MYT1L: variants seen among roughly 807,000 people sequenced by gnomAD.
MYT1L encodes myelin transcription factor 1 like.
A neutral mutation model predicts 126.7 loss-of-function variants in MYT1L; 12 were observed. That is an observed-to-expected ratio of 0.09 (90% CI 0.06 to 0.15). MYT1L has a LOEUF of 0.15. MYT1L is among the 10% of genes least tolerant of loss of function. The pLI, the probability that MYT1L is intolerant of heterozygous loss-of-function variation, is 1.00. For missense variants in MYT1L, 979 were observed against 1,585.2 expected, an observed-to-expected ratio of 0.62 and a Z score of 6.49; for synonymous variants, 541 against 604.2, an observed-to-expected ratio of 0.90 and a Z score of 1.53.
intron 4 of MYT1L, among the ~76,000 whole-genome samples, chr2:2,033,739 C>T (rs761967433): frequency 1.9e-4 from 29 of 152,254 alleles, no homozygotes; most frequent in South Asian, 4.1e-4. Context: ...TTGGCAATCC[C>T]CAGCTGTTTT....
intron 2 of MYT1L, among the ~76,000 whole-genome samples, chr2:2,196,199 G>A (rs1320726239): frequency 1.3e-5 from 2 of 152,004 alleles, no homozygotes; most frequent in African/African-American, 4.8e-5. Context: ...GTATTCAGAT[G>A]ACAATGGGAT....
chr2:2,031,007 C>T (rs757485799), intron 4 of MYT1L, among the ~76,000 whole-genome samples: 3 of 152,182 alleles, frequency 2.0e-5, no homozygotes, highest in Non-Finnish European at 2.9e-5. Flanking sequence ...TTGTATTAAG[C>T]GTGTGCATGA....
intron 2 of MYT1L, among the ~76,000 whole-genome samples, chr2:2,206,140 G>C (rs55971301): frequency 6.6e-6 from 1 of 151,696 alleles, no homozygotes; most frequent in African/African-American, 2.4e-5. Flanking sequence ...ACACCACCAC[G>C]CCCAGCTAAT....
chr2:1,841,079 T>C lies in MYT1L; in HGVS notation c.2775-236A>G, dbSNP rs2041623082. 7.1e-6 allele frequency: 3 copies of C among 425,248 alleles called. No individual in the cohort carries two copies. The Admixed American group carries it at 1.2e-4, about 17-fold the overall frequency. The allele number at this position is 425,248 out of a possible 1,614,324, so 26.3% of individuals were successfully genotyped here. ...CCACCACGCCTGGCTAATTTTTTTG[T>C]ATTTTTTAGTAGAGACGGGGTTTCA... On this transcript the variant is annotated intron_variant, in intron 19 of 24. Coordinates refer to ENST00000647738, the MANE Select transcript of MYT1L (RefSeq NM_001303052.2).
chr2:2,185,407 A>G (rs1157775424), intron 2 of MYT1L, among the ~76,000 whole-genome samples: 2 of 152,232 alleles, frequency 1.3e-5, no homozygotes, highest in African/African-American at 4.8e-5. Flanking sequence ...AAACTAATAT[A>G]TTCACCTGAT....
rs979485716 is a variant in MYT1L at position 1,801,607 on chromosome 2, C to A, written c.3276+89G>T. 10 of 788,112 alleles carry A rather than the reference C, an allele frequency of 1.3e-5. No individual in the cohort carries two copies. The highest frequency in any genetic ancestry group is 2.1e-5 in the Non-Finnish European group (10 of 467,458). 48.8% of individuals were successfully genotyped at this position (788,112 alleles called of 1,614,324 possible). ...TAAAAGAGCAAATAAGAGGAAACGACAGCTCTCCTAAAAGCTGATTTCATG... is the reference window on the plus strand; with the variant it reads ...TAAAAGAGCAAATAAGAGGAAACGAAAGCTCTCCTAAAAGCTGATTTCATG... On this transcript the variant is annotated intron_variant, in intron 23 of 24. Coordinates refer to ENST00000647738, the MANE Select transcript of MYT1L (RefSeq NM_001303052.2). This position sits in a 1 kb window ranked among gnomAD's most constrained non-coding sequence, Gnocchi z 4.2.
At chr2:1,826,691 CGG>C (rs986855244) in intron 21 of MYT1L, among the ~76,000 whole-genome samples, 4 of 152,258 alleles carry the variant, frequency 2.6e-5, no homozygotes, top group African/African-American at 4.8e-5. Flanking sequence ...GGGCCGGCGT[CGG>C]GGAAAGCGGA....
chr2:2,222,135 T>C (rs1183721290), intron 2 of MYT1L, among the ~76,000 whole-genome samples: 3 of 152,226 alleles, frequency 2.0e-5, no homozygotes, highest in Non-Finnish European at 4.4e-5. Context: ...GTTAGAGCTC[T>C]GAAAAATATA....
chr2:1,877,462 C>T (rs1558246636), intron 18 of MYT1L, among the ~76,000 whole-genome samples: 1 of 152,080 alleles, frequency 6.6e-6, no homozygotes, highest in Non-Finnish European at 1.5e-5. Flanking sequence ...TCCAAAAAGT[C>T]ATTGAAAAAC....
chr2:1,985,948 T>C (rs1190098805), intron 5 of MYT1L, among the ~76,000 whole-genome samples: 2 of 152,148 alleles, frequency 1.3e-5, no homozygotes, highest in Non-Finnish European at 2.9e-5. Context: ...GGTGCAGAGC[T>C]GGGAGCTGGA....
chr2:2,290,207 G>A lies in MYT1L; in HGVS notation c.-520-5704C>T, dbSNP rs1020888851. Among the ~76,000 whole-genome samples the A allele has an allele frequency of 3.3e-5, 5 of 152,184 alleles. No individual in the cohort carries two copies. In the South Asian group the frequency reaches 1.0e-3, roughly 32 times the overall value. ...TCTTGGAACTGTGCTCTGTATATCT[G>A]AGAGTCCCATGGTCACCCCCAACCT... On this transcript the variant is annotated intron_variant, in intron 1 of 24. Coordinates refer to ENST00000647738, the MANE Select transcript of MYT1L (RefSeq NM_001303052.2).
chr2:2,128,973 T>G (rs886830711), intron 3 of MYT1L, among the ~76,000 whole-genome samples: 1 of 152,220 alleles, frequency 6.6e-6, no homozygotes, highest in Non-Finnish European at 1.5e-5. Context: ...GAAGAGAGAC[T>G]CTTCCAAGGA....
chr2:1,909,707 T>C (rs1187639029), intron 13 of MYT1L, among the ~76,000 whole-genome samples: 6 of 152,136 alleles, frequency 3.9e-5, no homozygotes, highest in Non-Finnish European at 4.4e-5. Flanking sequence ...TTTTCTCACT[T>C]GCCAAACGGA....
Position 1,809,027 on chromosome 2 carries a change from G to T in MYT1L, c.3172+49C>A, listed in dbSNP as rs775532390. The T allele has an allele frequency of 3.9e-6, 6 of 1,554,866 alleles. No individual in the cohort carries two copies. The Admixed American group carries it at 8.3e-5, about 22-fold the overall frequency. On this transcript the variant is annotated intron_variant, in intron 22 of 24. Transcript: ENST00000647738. ...ACACACAGCTGGCATGGCCGTGCCC[G>T]CTGGGCCTTCCTGACCATGGGTGCC...
chr2:1,977,120 T>C (rs2060246410), intron 8 of MYT1L, among the ~76,000 whole-genome samples: 2 of 152,228 alleles, frequency 1.3e-5, no homozygotes, highest in South Asian at 4.1e-4. Flanking sequence ...AAAATGATGA[T>C]TTTTAAAAAA....
chr2:1,798,467 C>T (rs1040057474), intron 23 of MYT1L, among the ~76,000 whole-genome samples: 1 of 152,228 alleles, frequency 6.6e-6, no homozygotes, highest in African/African-American at 2.4e-5. Flanking sequence ...GAACATCAGG[C>T]CGTGGGCACC....
intron 3 of MYT1L, among the ~76,000 whole-genome samples, chr2:2,119,475 T>C (rs536075353): frequency 7.9e-5 from 12 of 152,358 alleles, no homozygotes; most frequent in African/African-American, 2.4e-4. Context: ...TTTATCTCAA[T>C]GCAGACTACT....
chr2:2,009,953 T>C (rs1447953400), intron 4 of MYT1L, among the ~76,000 whole-genome samples: 1 of 152,050 alleles, frequency 6.6e-6, no homozygotes, highest in African/African-American at 2.4e-5. Flanking sequence ...AAAAGCTTTT[T>C]CTGTGTCAGT....
chr2:2,185,717 C>T (rs2092067016), intron 2 of MYT1L, among the ~76,000 whole-genome samples: 2 of 140,292 alleles, frequency 1.4e-5, no homozygotes, highest in Admixed American at 7.0e-5. Context: ...CCGAGTCCCG[C>T]GTTCCTTACG....
Sources: gnomAD v4.1 joint callset for allele counts (sites outside exome capture counted in the v4.1 genomes callset) on GRCh38, gnomAD v4.1.1 for gene constraint, Gnocchi (gnomAD v3.1) non-coding constraint, MANE v1.5 for transcripts, NCBI Gene and HGNC (gene_info 2026-07-23, HGNC 2026-07-21) for gene names.